NDUFB5: variants seen among roughly 807,000 people sequenced by gnomAD.
NDUFB5 encodes NADH dehydrogenase [ubiquinone] 1 beta subcomplex subunit 5, mitochondrial.
In NDUFB5, 19 loss-of-function variants were observed where a neutral mutation model predicts 19.4. That is an observed-to-expected ratio of 0.98 (90% CI 0.68 to 1.43). The LOEUF is 1.43. Among genes scored for constraint, NDUFB5 ranks in the 40% most tolerant of loss-of-function variants. The pLI, the probability that NDUFB5 is intolerant of heterozygous loss-of-function variation, is 0.00. For missense variants in NDUFB5, 233 were observed against 236.5 expected (o/e 0.99, Z 0.10); for synonymous variants, 80 against 82.6 (o/e 0.97, Z 0.17).
At position 179,626,540 on chromosome 3, in the gene NDUFB5, T is replaced by G. The variant is rs575730658; in HGVS notation, c.*2500T>G. On this transcript the variant is annotated 3_prime_UTR_variant, in exon 6 of 6. Coordinates refer to ENST00000259037, the MANE Select transcript of NDUFB5 (RefSeq NM_002492.4). ...GCGTGCCTGGCCTTTTTGTCCATTT[T>G]ATTTTTTTGAGATGGAGTCTTGCTG... The G allele has an allele frequency of 2.0e-5, 3 of 152,274 alleles. No homozygotes were observed. Among genetic ancestry groups the G allele is most frequent in the African/African-American group, 7.2e-5 (3 of 41,434 alleles). The allele number at this position is 152,274 out of a possible 1,614,324, so 9.4% of individuals were successfully genotyped here. A position where few individuals can be genotyped will look rare whatever the true frequency, so the allele number is the denominator to read the frequency against.
intron 2 of NDUFB5, 195 bp downstream of exon 2, chr3:179,615,254 T>G: frequency 2.7e-6 from 1 of 371,900 alleles, no homozygotes; most frequent in Non-Finnish European, 5.0e-6. Flanking sequence ...CTTTCCTTCT[T>G]CACAAAAGGA....
In NDUFB5 at chr3:179,616,040, G is replaced by A. The variant is rs1439313575; in HGVS notation, c.271G>A (p.Val91Ile). Residue 91 changes from valine to isoleucine, a missense_variant, in exon 3 of 6, where the codon GTA becomes ATA. Coordinates refer to ENST00000259037, the MANE Select transcript of NDUFB5 (RefSeq NM_002492.4). ...AGCAATTTTCATAACTCTGGTGAATGTATTCATTGGTAAGTCACTTCCATC... is the reference window on the plus strand; with the variant it reads ...AGCAATTTTCATAACTCTGGTGAATATATTCATTGGTAAGTCACTTCCATC... ...PVAIFITLVN[V>I]FIGQAELAEI... 6.2e-7 allele frequency: 1 copy of A among 1,613,178 alleles called. No individual in the cohort carries two copies. Among genetic ancestry groups the A allele is most frequent in the Admixed American group, 1.7e-5 (1 of 59,958 alleles).
intron 1 of NDUFB5, among the ~76,000 whole-genome samples, chr3:179,610,903 G>A (rs1018338777): frequency 6.6e-6 from 1 of 152,222 alleles, no homozygotes; most frequent in Non-Finnish European, 1.5e-5. Context: ...GAGTGCTGTG[G>A]AGTTAATCCA....
At chr3:179,623,179 A>T (rs963793497) in intron 5 of NDUFB5, among the ~76,000 whole-genome samples, 1 of 152,230 alleles carries the variant, frequency 6.6e-6, no homozygotes, top group African/African-American at 2.4e-5. Context: ...TGAAACTCCA[A>T]AAAAGCTTAT....
rs749775531 is a variant in NDUFB5 at position 179,621,639 on chromosome 3, G to T, written c.450-2281G>T. On this transcript the variant is annotated intron_variant, in intron 5 of 5. Transcript: ENST00000259037. ...CGAGTAGCTGGGATTACAGGCGCCC[G>T]CCACCACACCCCGCAAATTTTTGTA... Among the ~76,000 whole-genome samples, 16 of 151,540 alleles carry T rather than the reference G, an allele frequency of 1.1e-4. No individual in the cohort carries two copies. In the South Asian group the frequency reaches 2.9e-3, roughly 28 times the overall value.
chr3:179,616,545 C>A (rs552769723), intron 3 of NDUFB5, among the ~76,000 whole-genome samples: 18 of 151,566 alleles, frequency 1.2e-4, no homozygotes, highest in South Asian at 8.4e-4. Flanking sequence ...CTGTCCCCCC[C>A]CCAAAAAAAA....
In NDUFB5 at chr3:179,624,264, C is replaced by G; in HGVS notation, c.*224C>G. 1 of 349,858 alleles carries G rather than the reference C, an allele frequency of 2.9e-6. No homozygotes were observed. The highest frequency in any genetic ancestry group is 5.1e-6 in the Non-Finnish European group (1 of 197,004). 21.7% of individuals were successfully genotyped at this position (349,858 alleles called of 1,614,324 possible). On this transcript the variant is annotated 3_prime_UTR_variant, in exon 6 of 6. Transcript: ENST00000259037. ...CTGGAGAAATAGGAATTTGTGAACT[C>G]CTAAAATTGTAGCAACTTTGAAAGG...
At chr3:179,619,817 A>G (rs570767253) in intron 5 of NDUFB5, among the ~76,000 whole-genome samples, 91 of 152,306 alleles carry the variant, frequency 6.0e-4, no homozygotes, top group African/African-American at 2.2e-3. Flanking sequence ...TCCCACCAAC[A>G]GTGTAAAAGT....
chr3:179,608,614 A>G (rs1719163117), intron 1 of NDUFB5, among the ~76,000 whole-genome samples: 1 of 152,186 alleles, frequency 6.6e-6, no homozygotes, highest in African/African-American at 2.4e-5. Context: ...GTCTACATGT[A>G]AGTGTGCACT....
intron 1 of NDUFB5, among the ~76,000 whole-genome samples, chr3:179,611,592 G>T (rs1349836683): frequency 6.6e-6 from 1 of 151,636 alleles, no homozygotes; most frequent in African/African-American, 2.4e-5. Flanking sequence ...TAGAGACAGG[G>T]TTTCACCATG....
chr3:179,608,841 G>C (rs1719169118), intron 1 of NDUFB5, among the ~76,000 whole-genome samples: 1 of 152,116 alleles, frequency 6.6e-6, no homozygotes, highest in South Asian at 2.1e-4. Flanking sequence ...AGTTTCTTCA[G>C]ACCCACAAAA....
chr3:179,618,490 C>T lies in NDUFB5; in HGVS notation c.418C>T (p.Leu140Phe), dbSNP rs772265410. 18 of 1,612,178 alleles carry T rather than the reference C, an allele frequency of 1.1e-5. No individual in the cohort carries two copies. In the Admixed American group the frequency reaches 1.7e-4, roughly 15 times the overall value. Reference protein sequence around the residue: ...EKIYERTMAVLQIEAEKAELR... With the variant: ...EKIYERTMAVFQIEAEKAELR... Reference sequence around the variant, plus strand: ...GATATATGAAAGAACAATGGCCGTCCTTCAGATTGAAGCTGAAAAGGCTGA... The same window carrying T: ...GATATATGAAAGAACAATGGCCGTCTTTCAGATTGAAGCTGAAAAGGCTGA... The change falls in exon 5 of 6, where the codon CTT becomes TTT. Residue 140 changes from leucine to phenylalanine, a missense_variant. Physicochemically the swap from Leu to Phe is conservative, Grantham distance 22. Coordinates refer to ENST00000259037, the MANE Select transcript of NDUFB5 (RefSeq NM_002492.4).
intron 3 of NDUFB5, 100 bp downstream of exon 3, chr3:179,616,149 A>G: frequency 1.2e-6 from 1 of 850,464 alleles, no homozygotes; most frequent in East Asian, 2.7e-5. Context: ...TGTAATGAAA[A>G]GCTCTTTAAA....
chr3:179,610,842 T>C (rs1369401890), intron 1 of NDUFB5, among the ~76,000 whole-genome samples: 1 of 152,238 alleles, frequency 6.6e-6, no homozygotes, highest in Non-Finnish European at 1.5e-5. Flanking sequence ...CTGATATGCA[T>C]AAATTATGGT....
At chr3:179,612,475 CTTTTTTT>C (rs760879075) in intron 1 of NDUFB5, among the ~76,000 whole-genome samples, 1 of 122,868 alleles carries the variant, frequency 8.1e-6, no homozygotes, top group African/African-American at 3.2e-5. Flanking sequence ...TGCATTAAAC[CTTTTTTT>C]TTTTTTTTTT....
rs2108406964 is a variant in NDUFB5 at position 179,625,611 on chromosome 3, A to C, written c.*1571A>C. The C allele has an allele frequency of 6.6e-6, 1 of 152,172 alleles. No individual in the cohort carries two copies. The highest frequency in any genetic ancestry group is 2.1e-4 in the South Asian group (1 of 4,820). The allele number at this position is 152,172 out of a possible 1,614,324, so 9.4% of individuals were successfully genotyped here. On this transcript the variant is annotated 3_prime_UTR_variant, in exon 6 of 6. Transcript: ENST00000259037. ...TTATTATATGTTATTGTTAACTATA[A>C]TTTACCTACTGTACTATCAAATACT... is the stretch of plus-strand genomic sequence containing the variant.
At chr3:179,612,513 T>C (rs142439149) in intron 1 of NDUFB5, among the ~76,000 whole-genome samples, 4,527 of 139,444 alleles carry the variant, frequency 0.032, 100 homozygotes, top group South Asian at 0.075. Flanking sequence ...AGTCTCACTC[T>C]CGCCCAGGTT....
intron 4 of NDUFB5, 102 bp downstream of exon 4, chr3:179,617,146 TG>T (rs1395663584): frequency 2.2e-6 from 2 of 918,982 alleles, no homozygotes; most frequent in Non-Finnish European, 3.3e-6. Flanking sequence ...TTTTTTGTTT[TG>T]TTTTTTTTGA....
At chr3:179,612,198 G>A (rs908526034) in intron 1 of NDUFB5, among the ~76,000 whole-genome samples, 6 of 151,764 alleles carry the variant, frequency 4.0e-5, no homozygotes, top group Non-Finnish European at 8.8e-5. Flanking sequence ...AAGAGTTAAA[G>A]GCAAGTTGGT....
Sources: allele counts gnomAD v4.1 joint callset (sites outside exome capture counted in the v4.1 genomes callset), GRCh38; gene constraint gnomAD v4.1.1; transcripts MANE v1.5; gene names NCBI Gene and HGNC (gene_info 2026-07-23, HGNC 2026-07-21).